Variants in R3HDM1 observed in about 807,000 individuals in gnomAD.
R3HDM1 encodes the protein R3H domain-containing protein 1.
A neutral mutation model predicts 141.1 loss-of-function variants in R3HDM1; 46 were observed. That is an observed-to-expected ratio of 0.33 (90% CI 0.26 to 0.42). The LOEUF is 0.42. Among genes scored for constraint, R3HDM1 ranks in the 10% least tolerant of loss-of-function variants. The pLI, the probability that R3HDM1 is intolerant of heterozygous loss-of-function variation, is 1.00. For synonymous variants in R3HDM1, 435 were observed against 472.9 expected, an observed-to-expected ratio of 0.92 and a Z score of 1.04; for missense variants, 1,184 against 1,368.3, an observed-to-expected ratio of 0.87 and a Z score of 2.12.
chr2:135,653,365 C>A (rs2065374313), intron 18 of R3HDM1, among the ~76,000 whole-genome samples: 1 of 151,984 alleles, frequency 6.6e-6, no homozygotes, highest in African/African-American at 2.4e-5. Context: ...CAAAAAAGAA[C>A]AAAGGTTTCA....
chr2:135,559,083 G>A (rs1701306626), intron 1 of R3HDM1: 1 of 955,952 alleles, frequency 1.0e-6, no homozygotes, highest in African/African-American at 1.8e-5. Context: ...GTGTGTGTGT[G>A]TGTGTGTGTG....
chr2:135,642,969 A>T (rs1322753829), intron 15 of R3HDM1, among the ~76,000 whole-genome samples: 1 of 152,138 alleles, frequency 6.6e-6, no homozygotes, highest in Non-Finnish European at 1.5e-5. Context: ...AAGATGTAAG[A>T]TGATTTAATA....
rs1463621639 is a variant in R3HDM1, at chr2:135,651,612, T to C, written c.1726-118T>C. On this transcript the variant is annotated intron_variant, in intron 17 of 26. Transcript: ENST00000683871. ...TATTACATAATTGCTGTTGTTGATA[T>C]ATATAATTTCCATAATGTGTACTAT... The C allele has an allele frequency of 8.1e-6, 11 of 1,352,950 alleles. No individual in the cohort carries two copies. The African/African-American group carries it at 1.3e-4, about 16-fold the overall frequency. The allele number at this position is 1,352,950 out of a possible 1,614,324, so 83.8% of individuals were successfully genotyped here.
intron 21 of R3HDM1, among the ~76,000 whole-genome samples, chr2:135,699,045 A>AGATT (rs202144929): frequency 0.26 from 33,403 of 129,572 alleles, 5,336 homozygotes; most frequent in Non-Finnish European, 0.32. Flanking sequence ...ATAGATAGAT[A>AGATT]AGATAGATAA....
intron 24 of R3HDM1, among the ~76,000 whole-genome samples, chr2:135,718,795 TA>T (rs965378700): frequency 6.6e-6 from 1 of 152,166 alleles, no homozygotes; most frequent in African/African-American, 2.4e-5. Context: ...GGGTGGTTTT[TA>T]TTTTCTCCTT....
At chr2:135,563,062 T>C (rs972259924) in intron 1 of R3HDM1, among the ~76,000 whole-genome samples, 1 of 152,208 alleles carries the variant, frequency 6.6e-6, no homozygotes, top group Non-Finnish European at 1.5e-5. Flanking sequence ...TTTTTGGCAA[T>C]GATTGGCAGA....
chr2:135,549,545 G>A (rs1196221009), intron 1 of R3HDM1, among the ~76,000 whole-genome samples: 1 of 127,302 alleles, frequency 7.9e-6, no homozygotes, highest in East Asian at 2.5e-4. Flanking sequence ...TGGGTGACAA[G>A]AGCGAAACTC....
At chr2:135,582,032 C>G (rs896306868) in intron 1 of R3HDM1, among the ~76,000 whole-genome samples, 1 of 152,154 alleles carries the variant, frequency 6.6e-6, no homozygotes, top group East Asian at 1.9e-4. Flanking sequence ...TTTATTCCCT[C>G]CTTTTAAAAA....
chr2:135,567,319 C>G (rs924176412), intron 1 of R3HDM1, among the ~76,000 whole-genome samples: 1 of 152,172 alleles, frequency 6.6e-6, no homozygotes, highest in African/African-American at 2.4e-5. Flanking sequence ...ACTTTGGGTG[C>G]TGTTAATTTC....
rs142997347 is a variant in R3HDM1 at position 135,570,132 on chromosome 2, A to G, written c.-249-32368A>G. On this transcript the variant is annotated intron_variant, in intron 1 of 26. Coordinates refer to ENST00000683871, the MANE Select transcript of R3HDM1 (RefSeq NM_001378107.1). ...TGATTTTGAATTAACTATTGATTGT[A>G]AACATCTCTTTTATTTACTAGGATA... Among the ~76,000 whole-genome samples, 22 of 152,334 alleles carry G rather than the reference A, an allele frequency of 1.4e-4. No homozygotes were observed. In the East Asian group the frequency reaches 4.2e-3, roughly 29 times the overall value.
chr2:135,676,106 A>C (rs2069134870), intron 20 of R3HDM1, among the ~76,000 whole-genome samples: 1 of 152,212 alleles, frequency 6.6e-6, no homozygotes, highest in Non-Finnish European at 1.5e-5. Context: ...CAGGCAGATT[A>C]CTTGAGATCA....
At chr2:135,639,209 T>C in intron 14 of R3HDM1, 87 bp downstream of exon 14, 1 of 1,290,952 alleles carries the variant, frequency 7.7e-7, no homozygotes, top group South Asian at 1.4e-5. Flanking sequence ...TGGCTTCTAA[T>C]TATCCTAAAA....
intron 1 of R3HDM1, among the ~76,000 whole-genome samples, chr2:135,597,437 T>C (rs2059283097): frequency 6.6e-6 from 1 of 152,256 alleles, no homozygotes; most frequent in Non-Finnish European, 1.5e-5. Flanking sequence ...ACTGACAAAG[T>C]GACTGCAAAT....
intron 1 of R3HDM1, among the ~76,000 whole-genome samples, chr2:135,576,652 A>G (rs1705506851): frequency 6.6e-6 from 1 of 152,206 alleles, no homozygotes; most frequent in African/African-American, 2.4e-5. Context: ...ATGTCCATAC[A>G]ATGAAACATA....
intron 16 of R3HDM1, 83 bp downstream of exon 16, chr2:135,645,610 A>C: frequency 6.8e-7 from 1 of 1,472,720 alleles, no homozygotes; most frequent in Non-Finnish European, 9.3e-7. Context: ...TAATTGAGAT[A>C]GCCTAAGTAT....
intron 11 of R3HDM1, 110 bp from the exon 12 acceptor site, chr2:135,638,508 T>C: frequency 1.7e-6 from 2 of 1,158,962 alleles, no homozygotes; most frequent in Non-Finnish European, 2.5e-6. Flanking sequence ...CTTATCACCA[T>C]TTTTAACTTA....
chr2:135,722,486 G>T lies in R3HDM1; in HGVS notation c.2982G>T (p.Arg994Ser). The T allele has an allele frequency of 6.2e-7, 1 of 1,613,830 alleles. No individual in the cohort carries two copies. Among genetic ancestry groups the T allele is most frequent in the African/African-American group, 1.3e-5 (1 of 74,942 alleles). The change falls in exon 26 of 27, where the codon AGG (arginine) becomes AGT (serine). Residue 994 changes from arginine (R) to serine (S), a missense_variant. By Grantham distance (110) the Arg-to-Ser change is moderately radical (BLOSUM62 -1). Coordinates refer to ENST00000683871, the MANE Select transcript of R3HDM1 (RefSeq NM_001378107.1). Reference sequence around the variant, plus strand: ...GTTTTCAGGGTCAGCCTGGCAGCAGGCATGGAAACCGAGGAAGGAGACAAG... The same window carrying T: ...GTTTTCAGGGTCAGCCTGGCAGCAGTCATGGAAACCGAGGAAGGAGACAAG... ...IPNQQGQPGS[R>S]HGNRGRRQAK...
At position 135,536,795 on chromosome 2, in the gene R3HDM1, G is replaced by A. The variant is rs182060537; in HGVS notation, c.-250+5162G>A. 3.7e-4 allele frequency: 304 copies of A among 813,812 alleles called. No individual in the cohort carries two copies. The African/African-American group carries it at 5.0e-3, about 13-fold the overall frequency. The allele number at this position is 813,812 out of a possible 1,614,324, so 50.4% of individuals were successfully genotyped here. A position where few individuals can be genotyped will look rare whatever the true frequency, so the allele number is the denominator to read the frequency against. ...CACAGCAGGAGGTGTGCAGTGGACCGGTGAACATCACCACCTGAGCTCTGC... is the reference window on the plus strand; with the variant it reads ...CACAGCAGGAGGTGTGCAGTGGACCAGTGAACATCACCACCTGAGCTCTGC... On this transcript the variant is annotated intron_variant, in intron 1 of 26. Transcript: ENST00000683871.
intron 21 of R3HDM1, among the ~76,000 whole-genome samples, chr2:135,690,857 G>A: frequency 6.6e-6 from 1 of 151,878 alleles, no homozygotes; most frequent in Admixed American, 6.6e-5. Flanking sequence ...TTTCATTTTT[G>A]TGAACTCACC....
Sources: gnomAD v4.1 joint callset for allele counts (sites outside exome capture counted in the v4.1 genomes callset) on GRCh38, gnomAD v4.1.1 for gene constraint, MANE v1.5 for transcripts, NCBI Gene and HGNC (gene_info 2026-07-23, HGNC 2026-07-21) for gene names.